UNC13C: variants seen among roughly 807,000 people sequenced by gnomAD.
UNC13C encodes protein unc-13 homolog C.
A neutral mutation model predicts 245.4 loss-of-function variants in UNC13C; 174 were observed. The ratio of observed to expected loss-of-function variants is 0.71; its 90% CI spans 0.63 to 0.80. The LOEUF (loss-of-function observed/expected upper bound fraction) is 0.80, where lower values mean the gene tolerates loss of function less well. UNC13C is among the 30% of genes least tolerant of loss of function. The pLI, the probability that UNC13C is intolerant of heterozygous loss-of-function variation, is 0.00. For missense variants in UNC13C, 2,829 were observed against 2,602.9 expected, an observed-to-expected ratio of 1.09 and a Z score of -1.89; for synonymous variants, 992 against 895.1, an observed-to-expected ratio of 1.11 and a Z score of -1.93.
intron 1 of UNC13C, among the ~76,000 whole-genome samples, chr15:53,994,369 G>A (rs1312432512): frequency 6.6e-6 from 1 of 151,928 alleles, no homozygotes; most frequent in Non-Finnish European, 1.5e-5. Flanking sequence ...TTAAGATACA[G>A]GAAAATGAAA....
chr15:54,015,399 A>T lies in UNC13C; in HGVS notation c.2496A>T (p.Arg832Ser). ...ACAGTGGCTCTTCATTAATGGGGAG[A>T]TTTCGGACATTATCTCAATCAACTG... is the stretch of plus-strand genomic sequence containing the variant. ...YEDSGSSLMG[R>S]FRTLSQSTAN... Residue 832 changes from arginine to serine, a missense_variant, in exon 2 of 33, where the codon AGA (arginine) becomes AGT (serine). Physicochemically the swap from Arg to Ser is moderately radical, Grantham distance 110. Coordinates refer to ENST00000260323, the MANE Select transcript of UNC13C (RefSeq NM_001080534.3). 6.2e-7 allele frequency: 1 copy of T among 1,613,716 alleles called. No homozygotes were observed. Among genetic ancestry groups the T allele is most frequent in the Non-Finnish European group, 8.5e-7 (1 of 1,179,830 alleles).
chr15:54,554,449 A>G (rs1467462072), intron 28 of UNC13C, among the ~76,000 whole-genome samples: 4 of 152,092 alleles, frequency 2.6e-5, no homozygotes, highest in Admixed American at 2.6e-4. Context: ...TATAAAAAAT[A>G]AGACACCTTT....
At chr15:54,593,922 G>A (rs935835601) in intron 30 of UNC13C, among the ~76,000 whole-genome samples, 6 of 152,158 alleles carry the variant, frequency 3.9e-5, no homozygotes, top group Middle Eastern at 3.2e-3. Flanking sequence ...CATATTACCA[G>A]GGTTGGTTTT....
At chr15:54,466,073 G>A (rs1892147818) in intron 19 of UNC13C, among the ~76,000 whole-genome samples, 1 of 151,932 alleles carries the variant, frequency 6.6e-6, no homozygotes. Context: ...TACATTTAAT[G>A]AAATAAACTA....
At chr15:54,613,026 T>G (rs1900205433) in intron 30 of UNC13C, among the ~76,000 whole-genome samples, 1 of 151,904 alleles carries the variant, frequency 6.6e-6, no homozygotes, top group Non-Finnish European at 1.5e-5. Context: ...ATTAGGAGAT[T>G]ATTATTTGTC....
At chr15:54,147,810 G>GTGTGTGTGTGTGTGTGTGTGTA (rs1164115157) in intron 4 of UNC13C, among the ~76,000 whole-genome samples, 9 of 151,866 alleles carry the variant, frequency 5.9e-5, no homozygotes, top group African/African-American at 2.2e-4. Flanking sequence ...GTGTGTGTGT[G>GTGTGTGTGTGTGTGTGTGTGTA]TATGTGTGTG....
At chr15:54,589,495 C>T (rs1222588164) in intron 30 of UNC13C, among the ~76,000 whole-genome samples, 2 of 151,754 alleles carry the variant, frequency 1.3e-5, no homozygotes, top group African/African-American at 2.4e-5. Flanking sequence ...GACAGGATTT[C>T]ACCATGTTGA....
intron 18 of UNC13C, among the ~76,000 whole-genome samples, chr15:54,412,660 T>C (rs1162325372): frequency 6.6e-6 from 1 of 152,238 alleles, no homozygotes; most frequent in African/African-American, 2.4e-5. Context: ...TGTAGCTTCT[T>C]AAATTAGTTT....
chr15:54,566,209 C>G (rs1304162470), intron 29 of UNC13C, among the ~76,000 whole-genome samples: 1 of 151,984 alleles, frequency 6.6e-6, no homozygotes, highest in African/African-American at 2.4e-5. Context: ...GAGTCAAGAC[C>G]AATCTATATT....
the UNC13C span, among the ~76,000 whole-genome samples, chr15:53,952,955 A>G: frequency 0.15 from 23,551 of 152,174 alleles, 2,187 homozygotes; most frequent in Middle Eastern, 0.23. Flanking sequence ...GCAAAATAAG[A>G]TTTCTTCAGT....
intron 2 of UNC13C, chr15:54,049,214 G>T (rs1897169577): frequency 4.0e-6 from 2 of 494,592 alleles, no homozygotes; most frequent in African/African-American, 2.0e-5. Context: ...CATCAGCTTT[G>T]TCTCATTGCT....
intron 1 of UNC13C, among the ~76,000 whole-genome samples, chr15:53,990,060 C>T (rs185644737): frequency 3.0e-4 from 46 of 152,110 alleles, no homozygotes; most frequent in Admixed American, 1.9e-3. Context: ...GTCAGCTTGT[C>T]CAAAAGCTAA....
chr15:54,529,066 C>A (rs935781038), intron 25 of UNC13C, among the ~76,000 whole-genome samples: 1 of 152,058 alleles, frequency 6.6e-6, no homozygotes, highest in East Asian at 1.9e-4. Flanking sequence ...ATGCAGAGAG[C>A]CAAGAAATGA....
chr15:53,844,981 G>A, the UNC13C span, among the ~76,000 whole-genome samples: 75 of 152,194 alleles, frequency 4.9e-4, no homozygotes, highest in African/African-American at 1.7e-3. Context: ...GAGCCTGAAC[G>A]TATGAGCTAA....
chr15:54,267,622 ATCTGCAGTTG>A (rs2036580145), intron 10 of UNC13C, among the ~76,000 whole-genome samples: 1 of 152,048 alleles, frequency 6.6e-6, no homozygotes. Context: ...TCAATAACAA[ATCTGCAGTTG>A]TCCACATTTT....
At chr15:54,365,685 G>A (rs2039347898) in intron 17 of UNC13C, among the ~76,000 whole-genome samples, 2 of 151,628 alleles carry the variant, frequency 1.3e-5, no homozygotes, top group Admixed American at 1.3e-4. Flanking sequence ...AAGAGTTGGA[G>A]TCTTTCTAGT....
intron 7 of UNC13C, among the ~76,000 whole-genome samples, chr15:54,237,994 T>C (rs1159322206): frequency 1.3e-5 from 2 of 152,060 alleles, no homozygotes; most frequent in Non-Finnish European, 2.9e-5. Flanking sequence ...GTTTTGCCTC[T>C]TTTACGAGGT....
intron 4 of UNC13C, among the ~76,000 whole-genome samples, chr15:54,221,131 T>C (rs755561436): frequency 6.6e-6 from 1 of 152,030 alleles, no homozygotes; most frequent in Non-Finnish European, 1.5e-5. Context: ...AAATGGTAGA[T>C]AAATAACAAA....
chr15:54,087,104 C>T (rs1412362313), intron 2 of UNC13C, among the ~76,000 whole-genome samples: 1 of 152,118 alleles, frequency 6.6e-6, no homozygotes, highest in Non-Finnish European at 1.5e-5. Context: ...TAGCACTGGA[C>T]ATTGAACATA....
Sources: allele counts gnomAD v4.1 joint callset (sites outside exome capture counted in the v4.1 genomes callset), GRCh38; gene constraint gnomAD v4.1.1; transcripts MANE v1.5; gene names NCBI Gene and HGNC (gene_info 2026-07-23, HGNC 2026-07-21).